DHX57: variants seen among roughly 807,000 people sequenced by gnomAD.
DHX57 encodes DExH-box helicase 57.
In DHX57, 105 loss-of-function variants were observed where a neutral mutation model predicts 156.2. The ratio of observed to expected loss-of-function variants is 0.67; its 90% CI spans 0.57 to 0.79. The LOEUF (loss-of-function observed/expected upper bound fraction) is 0.79, where lower values mean the gene tolerates loss of function less well. Ranked by LOEUF, DHX57 falls within the 30% of genes least tolerant of loss-of-function variation. DHX57 has a pLI of 0.00. For synonymous variants in DHX57, 704 were observed against 595.6 expected (o/e 1.18, Z -2.65); for missense variants, 1,847 against 1,661.9 (o/e 1.11, Z -1.94).
Position 38,823,179 on chromosome 2 carries a change from G to C in DHX57, c.3105C>G (p.Ala1035=), listed in dbSNP as rs776928324. ...CTAAGTCTCGTAATCGTATTTTTGA[G>C]GCACGAAGAGAATCGGTGTGTGGAG... is the stretch of plus-strand genomic sequence containing the variant. ...IEPPHTDSLR[A]SKIRLRDLGA... Residue 1035 remains alanine (A), a synonymous_variant, in exon 17 of 24, where the codon GCC becomes GCG. Coordinates refer to ENST00000457308, the MANE Select transcript of DHX57 (RefSeq NM_198963.3). 5 of 1,614,116 alleles carry C rather than the reference G, an allele frequency of 3.1e-6. No individual in the cohort carries two copies. Among genetic ancestry groups the C allele is most frequent in the Non-Finnish European group, 4.2e-6 (5 of 1,180,032 alleles).
chr2:38,813,969 G>C, intron 20 of DHX57, 74 bp from the exon 21 acceptor site: 2 of 1,528,632 alleles, frequency 1.3e-6, no homozygotes, highest in South Asian at 1.1e-5. Context: ...ATGGAGTCTT[G>C]CTCTGTCACC....
chr2:38,834,689 G>C (rs1671563398), intron 13 of DHX57, among the ~76,000 whole-genome samples: 1 of 152,138 alleles, frequency 6.6e-6, no homozygotes, highest in Non-Finnish European at 1.5e-5. Flanking sequence ...GCAGAGAAAA[G>C]TCATGACATC....
chr2:38,827,637 C>T (rs1671170652), intron 14 of DHX57, among the ~76,000 whole-genome samples: 1 of 150,036 alleles, frequency 6.7e-6, no homozygotes, highest in African/African-American at 2.5e-5. Flanking sequence ...TTCATTCTTA[C>T]ATTTTAAGGG....
intron 11 of DHX57, among the ~76,000 whole-genome samples, chr2:38,844,335 T>C (rs1224011149): frequency 1.3e-4 from 4 of 30,230 alleles, no homozygotes; most frequent in African/African-American, 1.7e-4. Context: ...TGACTTCTAA[T>C]AAAGAAATGA....
chr2:38,818,483 G>A (rs1212216705), intron 19 of DHX57, among the ~76,000 whole-genome samples: 2 of 152,114 alleles, frequency 1.3e-5, no homozygotes, highest in Non-Finnish European at 2.9e-5. Flanking sequence ...AGCCGAGATC[G>A]CACCACTGCA....
At chr2:38,872,422 A>G (rs554925660) in intron 1 of DHX57, among the ~76,000 whole-genome samples, 11 of 152,346 alleles carry the variant, frequency 7.2e-5, no homozygotes, top group African/African-American at 2.4e-4. Flanking sequence ...AAGCAGTCCA[A>G]TCAAAAGACA....
chr2:38,866,596 A>T (rs184084706), intron 2 of DHX57, among the ~76,000 whole-genome samples: 2 of 152,304 alleles, frequency 1.3e-5, no homozygotes, highest in East Asian at 3.9e-4. Context: ...ATCCCATTCT[A>T]TCTAGATAAG....
At chr2:38,833,861 TATGTC>T (rs1224883297) in intron 13 of DHX57, among the ~76,000 whole-genome samples, 1 of 152,068 alleles carries the variant, frequency 6.6e-6, no homozygotes, top group Non-Finnish European at 1.5e-5. Context: ...AAGAAAGAGA[TATGTC>T]ATGAATGCAT....
intron 10 of DHX57, among the ~76,000 whole-genome samples, chr2:38,847,635 A>C (rs527393909): frequency 1.4e-4 from 21 of 152,222 alleles, no homozygotes; most frequent in Non-Finnish European, 2.9e-4. Context: ...ACACCCAGAA[A>C]TTTAGCAGAA....
intron 1 of DHX57, among the ~76,000 whole-genome samples, chr2:38,874,765 G>T (rs6750236): frequency 1.1e-3 from 170 of 152,300 alleles, no homozygotes; most frequent in African/African-American, 3.7e-3. Context: ...TGTAAGTGGA[G>T]CCGGGTAGTT....
In DHX57 at chr2:38,818,930, G is replaced by A. The variant is rs757753529; in HGVS notation, c.3418C>T (p.Arg1140Cys). 28 of 1,614,038 alleles carry A rather than the reference G, an allele frequency of 1.7e-5. No homozygotes were observed. Among genetic ancestry groups the A allele is most frequent in the Non-Finnish European group, 2.3e-5 (27 of 1,180,044 alleles). Residue 1140 changes from arginine (R) to cysteine (C), a missense_variant, in exon 19 of 24, where the codon CGT becomes TGT. By Grantham distance (180) the Arg-to-Cys change is radical. Transcript: ENST00000457308. Reference protein sequence around the residue: ...GWQLSTKEGVRASYNYCRQNF... With the variant: ...GWQLSTKEGVCASYNYCRQNF... ...TGTCTGCAGTAATTATAACTTGCAC[G>A]CACGCCTTCTTTTGTACTTAGCTGC...
intron 16 of DHX57, 31 bp from the exon 17 acceptor site, chr2:38,823,300 A>G (rs370823988): frequency 1.9e-6 from 3 of 1,589,832 alleles, no homozygotes; most frequent in African/African-American, 1.3e-5. Flanking sequence ...TAATTTGTCA[A>G]TTTTATTTCT....
At chr2:38,818,667 A>G (rs1477300259) in intron 19 of DHX57, among the ~76,000 whole-genome samples, 1 of 152,232 alleles carries the variant, frequency 6.6e-6, no homozygotes, top group Admixed American at 6.5e-5. Context: ...AAAATTCACC[A>G]CAAAGAGGAA....
chr2:38,811,976 C>T (rs550421180), intron 21 of DHX57, among the ~76,000 whole-genome samples: 1 of 152,102 alleles, frequency 6.6e-6, no homozygotes, highest in East Asian at 1.9e-4. Context: ...CCAGGCTGGT[C>T]TCAAACTCCT....
intron 12 of DHX57, among the ~76,000 whole-genome samples, chr2:38,839,130 C>T (rs1671843643): frequency 6.6e-6 from 1 of 151,686 alleles, no homozygotes; most frequent in African/African-American, 2.4e-5. Context: ...TGGGGTTTCA[C>T]CATGTTGGTC....
At chr2:38,849,440 G>A (rs115631668) in intron 9 of DHX57, among the ~76,000 whole-genome samples, 1,672 of 152,110 alleles carry the variant, frequency 0.011, 29 homozygotes, top group African/African-American at 0.038. Flanking sequence ...GACGGGGTGC[G>A]GTGGCTCACA....
At chr2:38,821,706 A>T (rs1190161828) in intron 17 of DHX57, among the ~76,000 whole-genome samples, 1 of 152,142 alleles carries the variant, frequency 6.6e-6, no homozygotes, top group Non-Finnish European at 1.5e-5. Flanking sequence ...AACAAAAAAT[A>T]AAACCAAAAG....
chr2:38,814,681 T>G (rs1030882799), intron 20 of DHX57, among the ~76,000 whole-genome samples: 1 of 152,000 alleles, frequency 6.6e-6, no homozygotes, highest in Non-Finnish European at 1.5e-5. Flanking sequence ...AGAAGCAGCA[T>G]GAAATTTAAA....
chr2:38,807,726 C>A (rs562167298), intron 21 of DHX57, among the ~76,000 whole-genome samples: 1 of 151,838 alleles, frequency 6.6e-6, no homozygotes, highest in Non-Finnish European at 1.5e-5. Flanking sequence ...CGGCTCACTG[C>A]AACCTCCGCC....
Sources: gnomAD v4.1 joint callset for allele counts (sites outside exome capture counted in the v4.1 genomes callset) on GRCh38, gnomAD v4.1.1 for gene constraint, MANE v1.5 for transcripts, NCBI Gene and HGNC (gene_info 2026-07-23, HGNC 2026-07-21) for gene names.